The following CARS1 variants were observed in gnomAD, a reference collection of about 807,000 sequenced individuals.
CARS1 encodes the protein cysteine--tRNA ligase, cytoplasmic.
CARS1 carries 48 observed loss-of-function variants against 106.2 expected under a neutral mutation model. The observed-to-expected ratio is 0.45, with a 90% confidence interval of 0.36 to 0.57. The LOEUF (loss-of-function observed/expected upper bound fraction) is 0.57, where lower values mean the gene tolerates loss of function less well. Ranked by LOEUF, CARS1 falls within the 20% of genes least tolerant of loss-of-function variation. CARS1 has a pLI of 0.00. For missense variants in CARS1, 968 were observed against 1,057.2 expected, an observed-to-expected ratio of 0.92 and a Z score of 1.17; for synonymous variants, 409 against 403.4, an observed-to-expected ratio of 1.01 and a Z score of -0.17.
At chr11:3,036,284 C>T (rs1853622640) in intron 7 of CARS1, among the ~76,000 whole-genome samples, 1 of 152,148 alleles carries the variant, frequency 6.6e-6, no homozygotes, top group African/African-American at 2.4e-5. Context: ...CTTCTAGGGC[C>T]CCAGAATGTG....
rs779716887 is a variant in CARS1, at chr11:3,050,177, G to A, written c.26-2176C>T. 3.3e-5 allele frequency among the ~76,000 whole-genome samples: 5 copies of A among 152,166 alleles called. No individual in the cohort carries two copies. Among genetic ancestry groups the A allele is most frequent in the Non-Finnish European group, 7.3e-5 (5 of 68,036 alleles). On this transcript the variant is annotated intron_variant, in intron 1 of 22. Coordinates refer to ENST00000380525, the MANE Select transcript of CARS1 (RefSeq NM_001014437.3). The surrounding 1 kb of genome is among the most constrained non-coding windows in gnomAD (Gnocchi z 6.3). ...GGGCACTCTGTGGGAGAGCCTTCCT[G>A]AAGTCTCAACATGGATGCAGGGCTT...
chr11:3,013,930 GAC>G (rs1850744024), intron 17 of CARS1, among the ~76,000 whole-genome samples: 1 of 152,202 alleles, frequency 6.6e-6, no homozygotes, highest in African/African-American at 2.4e-5. Flanking sequence ...TGGCATGGGC[GAC>G]AGAGTGAGAC....
In CARS1 at chr11:3,039,851, G is replaced by A. The variant is rs1854190005; in HGVS notation, c.536C>T (p.Thr179Met). 3 of 1,538,110 alleles carry A rather than the reference G, an allele frequency of 2.0e-6. No homozygotes were observed. Among genetic ancestry groups the A allele is most frequent in the Non-Finnish European group, 2.7e-6 (3 of 1,125,680 alleles). Residue 179 changes from threonine to methionine, a missense_variant, in exon 5 of 23, where the codon ACG (threonine) becomes ATG (methionine). By Grantham distance (81) the Thr-to-Met change is moderately conservative. Coordinates refer to ENST00000380525, the MANE Select transcript of CARS1 (RefSeq NM_001014437.3). The surrounding 1 kb of genome is among the most constrained non-coding windows in gnomAD (Gnocchi z 5.6). The stretch of plus-strand genomic sequence containing the variant: ...TCCCTTTACCTTGTCATCAATATCC[G>A]TAATGTTCATGCAATAAAAGACATC... ...KFDVFYCMNI[T>M]DIDDKIIKRA...
intron 1 of CARS1, among the ~76,000 whole-genome samples, chr11:3,049,631 A>G (rs563616859): frequency 4.6e-5 from 7 of 152,314 alleles, no homozygotes; most frequent in Admixed American, 2.0e-4. Flanking sequence ...ATACCCTCTC[A>G]CCCCAGAGTT....
At chr11:3,007,492 T>C (rs562046623) in intron 18 of CARS1, 1 of 153,378 alleles carries the variant, frequency 6.5e-6, no homozygotes, top group East Asian at 1.9e-4. Context: ...GAGAGCTGAG[T>C]CCCAGGACCA....
Position 3,038,522 on chromosome 11 carries a change from T to C in CARS1, c.652-323A>G, listed in dbSNP as rs573087042. 6.6e-6 allele frequency among the ~76,000 whole-genome samples: 1 copy of C among 152,292 alleles called. No homozygotes were observed. Among genetic ancestry groups the C allele is most frequent in the Admixed American group, 6.5e-5 (1 of 15,298 alleles). ...ATGAGGAAAAGTAGGCCACCCAGTG[T>C]GTTCTGAGGTGTGCTGCAGACACAT... On this transcript the variant is annotated intron_variant, in intron 6 of 22. Coordinates refer to ENST00000380525, the MANE Select transcript of CARS1 (RefSeq NM_001014437.3). The surrounding 1 kb of genome is among the most constrained non-coding windows in gnomAD (Gnocchi z 4.0).
At position 3,022,200 on chromosome 11, in the gene CARS1, C is replaced by T. The variant is rs897439061; in HGVS notation, c.1154-1868G>A. ...CCACCTGCTCCACCACTGTTCCTAG[C>T]GATAGAATCTCTAACCCTGGACCTT... On this transcript the variant is annotated intron_variant, in intron 10 of 22. Transcript: ENST00000380525. This position sits in a 1 kb window ranked among gnomAD's most constrained non-coding sequence, Gnocchi z 4.9. 2.6e-5 allele frequency among the ~76,000 whole-genome samples: 4 copies of T among 152,176 alleles called. No individual in the cohort carries two copies. The highest frequency in any genetic ancestry group is 5.9e-5 in the Non-Finnish European group (4 of 68,036).
At chr11:3,007,247 T>G in intron 18 of CARS1, 2 of 451,120 alleles carry the variant, frequency 4.4e-6, no homozygotes, top group Non-Finnish European at 3.9e-6. Context: ...CATAGCACAC[T>G]GGCCGCCGGA....
In CARS1 at chr11:3,019,359, C is replaced by T. The variant is rs1851354478; in HGVS notation, c.1267-92G>A. 2 of 1,273,886 alleles carry T rather than the reference C, an allele frequency of 1.6e-6. No individual in the cohort carries two copies. The highest frequency in any genetic ancestry group is 2.8e-5 in the East Asian group (1 of 35,646). 78.9% of individuals were successfully genotyped at this position (1,273,886 alleles called of 1,614,324 possible). On this transcript the variant is annotated intron_variant, in intron 11 of 22. Transcript: ENST00000380525. The surrounding 1 kb of genome is among the most constrained non-coding windows in gnomAD (Gnocchi z 6.2). ...ACTCCAAGTTGATGGCCCTTACATC[C>T]TCTGAACTTTATTGGAACAAGCGTT...
Position 3,020,381 on chromosome 11 carries a change from A to AC in CARS1, c.1154-50dup. On this transcript the variant is annotated intron_variant, in intron 10 of 22. Transcript: ENST00000380525. The surrounding 1 kb of genome is among the most constrained non-coding windows in gnomAD (Gnocchi z 4.6). ...CAAGGTCACTCAGCAGCACCCACAG[A>AC]CCCACATGTCTCACTTCAAGGCCAT... is the stretch of plus-strand genomic sequence containing the variant. 1 of 1,137,306 alleles carries AC rather than the reference A, an allele frequency of 8.8e-7. No individual in the cohort carries two copies. The highest frequency in any genetic ancestry group is 1.3e-6 in the Non-Finnish European group (1 of 747,566). The allele number at this position is 1,137,306 out of a possible 1,614,324, so 70.5% of individuals were successfully genotyped here. A position where few individuals can be genotyped will look rare whatever the true frequency, so the allele number is the denominator to read the frequency against.
chr11:3,010,010 T>C (rs1016727738), intron 18 of CARS1, among the ~76,000 whole-genome samples: 2 of 152,196 alleles, frequency 1.3e-5, no homozygotes, highest in Admixed American at 1.3e-4. Context: ...AAGGCACATA[T>C]GGGATGATGT....
rs772000007 is a variant in CARS1 at position 3,006,927 on chromosome 11, G to A, written c.2101C>T (p.Arg701Trp). 5.6e-6 allele frequency: 9 copies of A among 1,613,914 alleles called. No homozygotes were observed. The highest frequency in any genetic ancestry group is 1.6e-4 in the Middle Eastern group (1 of 6,084). Residue 701 changes from arginine to tryptophan, a missense_variant, in exon 19 of 23, where the codon CGG becomes TGG. By Grantham distance (101) the Arg-to-Trp change is moderately radical. Transcript: ENST00000380525. The stretch of plus-strand genomic sequence containing the variant: ...CCAAGCTCGGGCAGGATGTTGTCCC[G>A]CAGGGCATCGCTGAGCTGCAGAATC... ...PEILQLSDAL[R>W]DNILPELGVR...
intron 20 of CARS1, 59 bp downstream of exon 20, chr11:3,005,307 C>T (rs747561429): frequency 1.6e-5 from 20 of 1,252,564 alleles, no homozygotes; most frequent in South Asian, 2.5e-5. Flanking sequence ...ATGTAATAAT[C>T]GCAATGGTTT....
In CARS1 at chr11:3,053,405, A is replaced by G. The variant is rs1855889052; in HGVS notation, c.25+3938T>C. 6.6e-6 allele frequency among the ~76,000 whole-genome samples: 1 copy of G among 151,644 alleles called. No homozygotes were observed. The highest frequency in any genetic ancestry group is 2.4e-5 in the African/African-American group (1 of 41,228). ...GCCACCATGCCCAGCTAATTTTTGT[A>G]TTTTTAGTAGAGACGGGGTTTCTAC... On this transcript the variant is annotated intron_variant, in intron 1 of 22. Transcript: ENST00000380525. This position sits in a 1 kb window ranked among gnomAD's most constrained non-coding sequence, Gnocchi z 6.6.
At position 3,018,388 on chromosome 11, in the gene CARS1, G is replaced by C; in HGVS notation, c.1629+20C>G. ...GGGGAGGCTGCTCCACCAACCTCCA[G>C]GAAGGGGCTGGGGACTCACATTCAA... On this transcript the variant is annotated intron_variant, in intron 14 of 22. Transcript: ENST00000380525. The C allele has an allele frequency of 6.4e-7, 1 of 1,566,414 alleles. No homozygotes were observed.
Position 3,005,296 on chromosome 11 carries a change from T to G in CARS1, c.2217+70A>C, listed in dbSNP as rs955118301. The G allele has an allele frequency of 1.7e-5, 19 of 1,148,424 alleles. No individual in the cohort carries two copies. The African/African-American group carries it at 2.9e-4, about 18-fold the overall frequency. 71.1% of individuals were successfully genotyped at this position (1,148,424 alleles called of 1,614,324 possible). On this transcript the variant is annotated intron_variant, in intron 20 of 22. Transcript: ENST00000380525. The stretch of plus-strand genomic sequence containing the variant: ...AAACATCAATGCTTAAAAAGTAAAC[T>G]ATGTAATAATCGCAATGGTTTTTAC...
chr11:3,024,471 A>C (rs2134172463), intron 10 of CARS1, among the ~76,000 whole-genome samples: 1 of 152,162 alleles, frequency 6.6e-6, no homozygotes, highest in African/African-American at 2.4e-5. Flanking sequence ...TCTTTGAGAC[A>C]GAGTCTTGCT....
intron 18 of CARS1, among the ~76,000 whole-genome samples, chr11:3,010,225 T>A (rs1291958695): frequency 6.6e-6 from 1 of 152,190 alleles, no homozygotes. Context: ...CAGTCCCCCT[T>A]TAGCGCCCTC....
chr11:3,052,796 G>C lies in CARS1; in HGVS notation c.25+4547C>G, dbSNP rs1855824510. On this transcript the variant is annotated intron_variant, in intron 1 of 22. Transcript: ENST00000380525. The surrounding 1 kb of genome is among the most constrained non-coding windows in gnomAD (Gnocchi z 4.6). Reference sequence around the variant, plus strand: ...TCAAGTGGTCATGGGTTTGAGCCAGGCTGTGGATCAGTCTGATGCTGAGAT... The same window carrying C: ...TCAAGTGGTCATGGGTTTGAGCCAGCCTGTGGATCAGTCTGATGCTGAGAT... Among the ~76,000 whole-genome samples the C allele has an allele frequency of 6.6e-6, 1 of 152,222 alleles. No individual in the cohort carries two copies. The highest frequency in any genetic ancestry group is 6.5e-5 in the Admixed American group (1 of 15,278).
Sources: allele counts gnomAD v4.1 joint callset (sites outside exome capture counted in the v4.1 genomes callset), GRCh38; gene constraint gnomAD v4.1.1; non-coding constraint Gnocchi (gnomAD v3.1); transcripts MANE v1.5; gene names NCBI Gene and HGNC (gene_info 2026-07-23, HGNC 2026-07-21).